Variants in PTPRQ observed in about 807,000 individuals in gnomAD.
PTPRQ encodes phosphatidylinositol phosphatase PTPRQ.
Under a neutral mutation model 246.0 loss-of-function variants are expected in PTPRQ, and 199 were observed. The observed-to-expected ratio is 0.81, with a 90% CI of 0.72 to 0.91. PTPRQ has a LOEUF of 0.91. Ranked by LOEUF, PTPRQ falls within the 40% of genes least tolerant of loss-of-function variation. The pLI is 0.00. For synonymous variants in PTPRQ, 869 were observed against 853.2 expected (o/e 1.02, Z -0.32); for missense variants, 2,624 against 2,528.4 (o/e 1.04, Z -0.81).
intron 32 of PTPRQ, among the ~76,000 whole-genome samples, chr12:80,621,642 A>G (rs1363461234): frequency 3.3e-5 from 5 of 152,050 alleles, no homozygotes; most frequent in South Asian, 4.1e-4. Flanking sequence ...CAAGTTCTAT[A>G]TCATCATTTT....
At chr12:80,523,792 G>T (rs1161372379) in intron 17 of PTPRQ, among the ~76,000 whole-genome samples, 3 of 152,140 alleles carry the variant, frequency 2.0e-5, no homozygotes, top group African/African-American at 7.2e-5. Context: ...CAACTATGTG[G>T]TCAATTTTGG....
At chr12:80,492,655 G>A (rs752527932) in intron 9 of PTPRQ, among the ~76,000 whole-genome samples, 14 of 151,922 alleles carry the variant, frequency 9.2e-5, no homozygotes, top group Admixed American at 2.0e-4. Context: ...AACTTGACAT[G>A]TGTGAATTAC....
Position 80,564,557 on chromosome 12 carries a change from C to A in PTPRQ, c.4285+14823C>A, listed in dbSNP as rs1022241090. Among the ~76,000 whole-genome samples, 4 of 152,096 alleles carry A rather than the reference C, an allele frequency of 2.6e-5. No individual in the cohort carries two copies. The East Asian group carries it at 7.7e-4, about 29-fold the overall frequency. On this transcript the variant is annotated intron_variant, in intron 25 of 44. Transcript: ENST00000644991. ...CAAGTTATTAAACACATATTAAGTGCTGTGGTAGAAAGTATTGGGATGACT... is the reference window on the plus strand; with the variant it reads ...CAAGTTATTAAACACATATTAAGTGATGTGGTAGAAAGTATTGGGATGACT...
chr12:80,549,877 G>C lies in PTPRQ; in HGVS notation c.4285+143G>C, dbSNP rs568671749. On this transcript the variant is annotated intron_variant, in intron 25 of 44. Coordinates refer to ENST00000644991, the MANE Select transcript of PTPRQ (RefSeq NM_001145026.2). ...ATACAACACAGGCTTTTTATCCCACGTGTTGCTTGAGTACCAGCTGTGTAC... is the reference window on the plus strand; with the variant it reads ...ATACAACACAGGCTTTTTATCCCACCTGTTGCTTGAGTACCAGCTGTGTAC... The C allele has an allele frequency of 6.6e-6, 8 of 1,206,912 alleles. No homozygotes were observed. In the Admixed American group the frequency reaches 1.5e-4, roughly 23 times the overall value. 74.8% of individuals were successfully genotyped at this position (1,206,912 alleles called of 1,614,324 possible).
chr12:80,651,070 A>G (rs1164117567), intron 37 of PTPRQ, among the ~76,000 whole-genome samples: 1 of 152,126 alleles, frequency 6.6e-6, no homozygotes, highest in Admixed American at 6.6e-5. Context: ...TATTTGGCAC[A>G]TACAATCAGC....
Position 80,677,130 on chromosome 12 carries a change from T to C in PTPRQ, c.6739-1472T>C, listed in dbSNP as rs190055806. On this transcript the variant is annotated intron_variant, in intron 43 of 44. Coordinates refer to ENST00000644991, the MANE Select transcript of PTPRQ (RefSeq NM_001145026.2). ...CTATCATTCTTTCCAGTGGAGAAGATGAAATCAGGACAGTCAGAAGTTTCA... is the reference window on the plus strand; with the variant it reads ...CTATCATTCTTTCCAGTGGAGAAGACGAAATCAGGACAGTCAGAAGTTTCA... Among the ~76,000 whole-genome samples, 547 of 152,304 alleles carry C rather than the reference T, an allele frequency of 3.6e-3. 7 individuals are homozygous for C. Among genetic ancestry groups the C allele is most frequent in the Non-Finnish European group, 2.6e-3 (176 of 68,018 alleles).
chr12:80,542,565 C>G (rs1438218030), intron 22 of PTPRQ, among the ~76,000 whole-genome samples, 165 bp from the exon 23 acceptor site: 3 of 152,072 alleles, frequency 2.0e-5, no homozygotes, highest in Admixed American at 6.6e-5. Context: ...TGGAACTACT[C>G]TGTCCAAATA....
rs913699564 is a variant in PTPRQ at position 80,489,391 on chromosome 12, G to C, written c.1360-3884G>C. ...TCTCTTTGGGGGGACAATAAAGCAA[G>C]ATCACATGAGTAAAAGTATTTAACA... On this transcript the variant is annotated intron_variant, in intron 9 of 44. Coordinates refer to ENST00000644991, the MANE Select transcript of PTPRQ (RefSeq NM_001145026.2). 2.6e-5 allele frequency among the ~76,000 whole-genome samples: 4 copies of C among 151,824 alleles called. No individual in the cohort carries two copies. In the East Asian group the frequency reaches 7.7e-4, roughly 29 times the overall value.
intron 17 of PTPRQ, among the ~76,000 whole-genome samples, chr12:80,515,742 C>CTT (rs34385655): frequency 0.018 from 2,501 of 137,810 alleles, 79 homozygotes; most frequent in African/African-American, 0.057. Flanking sequence ...CTGAATATTT[C>CTT]TTTTTTTTTT....
Position 80,495,065 on chromosome 12 carries a change from C to A in PTPRQ, c.1673C>A (p.Thr558Lys), listed in dbSNP as rs1193270571. ...ACCATCATGGGAGAAGGACCACCAA[C>A]AGTTCTCAGTGTTAGGACACGTCAG... is the stretch of plus-strand genomic sequence containing the variant. Reference protein sequence around the residue: ...AFTIMGEGPPTVLSVRTRQQV... With the variant: ...AFTIMGEGPPKVLSVRTRQQV... The change falls in exon 11 of 45, where the codon ACA (threonine) becomes AAA (lysine). Residue 558 changes from threonine (T) to lysine (K), a missense_variant. Coordinates refer to ENST00000644991, the MANE Select transcript of PTPRQ (RefSeq NM_001145026.2). The A allele has an allele frequency of 3.2e-6, 5 of 1,550,490 alleles. No homozygotes were observed. The highest frequency in any genetic ancestry group is 3.5e-6 in the Non-Finnish European group (4 of 1,146,212).
rs1464974776 is a variant in PTPRQ at position 80,506,053 on chromosome 12, T to C, written c.2302T>C (p.Tyr768His). The C allele has an allele frequency of 2.6e-6, 4 of 1,546,852 alleles. No individual in the cohort carries two copies. Among genetic ancestry groups the C allele is most frequent in the African/African-American group, 1.4e-5 (1 of 72,814 alleles). ...TGATAGTGCACCAGAAAATATCACTTACAAAAATATTTCTTCTGGAGAGAT... is the reference window on the plus strand; with the variant it reads ...TGATAGTGCACCAGAAAATATCACTCACAAAAATATTTCTTCTGGAGAGAT... ...VPDSAPENIT[Y>H]KNISSGEIEL... The change falls in exon 15 of 45, where the codon TAC becomes CAC. Residue 768 changes from tyrosine to histidine, a missense_variant. Coordinates refer to ENST00000644991, the MANE Select transcript of PTPRQ (RefSeq NM_001145026.2).
chr12:80,656,496 A>G (rs1000243532), intron 38 of PTPRQ, among the ~76,000 whole-genome samples: 2 of 152,090 alleles, frequency 1.3e-5, no homozygotes, highest in African/African-American at 4.8e-5. Context: ...CAAACAACCC[A>G]TCAAAACAAT....
At chr12:80,448,396 T>C (rs1443965288) in intron 3 of PTPRQ, among the ~76,000 whole-genome samples, 4 of 152,188 alleles carry the variant, frequency 2.6e-5, no homozygotes, top group Non-Finnish European at 5.9e-5. Context: ...TATTGTACTT[T>C]AAGTTTTAGG....
intron 7 of PTPRQ, among the ~76,000 whole-genome samples, chr12:80,470,279 C>T (rs572534327): frequency 1.1e-4 from 17 of 151,952 alleles, no homozygotes; most frequent in Non-Finnish European, 7.4e-5. Context: ...ATAATTTGTC[C>T]ATAAGTTGTT....
intron 43 of PTPRQ, among the ~76,000 whole-genome samples, chr12:80,676,178 C>T (rs566265270): frequency 2.0e-4 from 30 of 152,250 alleles, no homozygotes; most frequent in Non-Finnish European, 4.0e-4. Context: ...TGCACAACAG[C>T]AGTTTCTTAT....
chr12:80,558,933 T>C (rs1407671560), intron 25 of PTPRQ, among the ~76,000 whole-genome samples: 1 of 152,222 alleles, frequency 6.6e-6, no homozygotes, highest in Non-Finnish European at 1.5e-5. Context: ...CATTGGATTG[T>C]TTTGTTTTAT....
At chr12:80,569,553 AAACAAAACAAAACAAAAAG>A in intron 25 of PTPRQ, among the ~76,000 whole-genome samples, 1 of 152,078 alleles carries the variant, frequency 6.6e-6, no homozygotes, top group African/African-American at 2.4e-5. Context: ...AATAAATTAA[AAACAAAACAAAACAAAAAG>A]AACAAAACAA....
chr12:80,501,355 G>T (rs1226728913), intron 14 of PTPRQ, among the ~76,000 whole-genome samples: 7 of 151,988 alleles, frequency 4.6e-5, no homozygotes, highest in Non-Finnish European at 7.4e-5. Flanking sequence ...CTATTAGATT[G>T]TTTGTCTGAG....
chr12:80,600,842 T>A (rs1459523972), intron 26 of PTPRQ, among the ~76,000 whole-genome samples: 5 of 151,764 alleles, frequency 3.3e-5, no homozygotes, highest in Non-Finnish European at 7.4e-5. Context: ...AAAGAAGACA[T>A]TAACGCTGGT....
Sources: gnomAD v4.1 joint callset for allele counts (sites outside exome capture counted in the v4.1 genomes callset) on GRCh38, gnomAD v4.1.1 for gene constraint, MANE v1.5 for transcripts, NCBI Gene and HGNC (gene_info 2026-07-23, HGNC 2026-07-21) for gene names.